Variants in TTLL1 observed in about 807,000 individuals in gnomAD.
TTLL1 encodes polyglutamylase complex subunit TTLL1.
TTLL1 carries 33 observed loss-of-function variants against 47.8 expected under a neutral mutation model. The observed-to-expected ratio is 0.69, with a 90% CI of 0.52 to 0.92. TTLL1 has a LOEUF of 0.92. TTLL1 is among the 40% of genes least tolerant of loss of function. The pLI, the probability that TTLL1 is intolerant of heterozygous loss-of-function variation, is 0.00. For synonymous variants in TTLL1, 225 were observed against 214.1 expected (o/e 1.05, Z -0.45); for missense variants, 488 against 547.5 (o/e 0.89, Z 1.08).
intron 2 of TTLL1, among the ~76,000 whole-genome samples, chr22:43,078,235 T>C (rs2146989658): frequency 1.3e-5 from 2 of 151,650 alleles, no homozygotes; most frequent in Admixed American, 1.3e-4. Context: ...GTGGCTCATG[T>C]CTACAATCCC....
rs574229572 is a variant in TTLL1, at chr22:43,067,165, G to A, written c.503+1245C>T. Among the ~76,000 whole-genome samples the A allele has an allele frequency of 1.8e-3, 272 of 152,314 alleles. 1 individual carries two copies. Among genetic ancestry groups the A allele is most frequent in the Non-Finnish European group, 3.3e-3 (224 of 68,018 alleles). ...AAAAACAAAGACAGAGAAGCCAGCAGACCCAGGCCCCTGGGCTTGCCACGA... is the reference window on the plus strand; with the variant it reads ...AAAAACAAAGACAGAGAAGCCAGCAAACCCAGGCCCCTGGGCTTGCCACGA... On this transcript the variant is annotated intron_variant, in intron 5 of 10. Transcript: ENST00000266254.
At chr22:43,082,753 C>T (rs900696378) in intron 1 of TTLL1, among the ~76,000 whole-genome samples, 1 of 151,618 alleles carries the variant, frequency 6.6e-6, no homozygotes, top group African/African-American at 2.4e-5. Flanking sequence ...GTGGCTCATG[C>T]CTGTAATCCC....
chr22:43,058,406 C>T (rs964537436), intron 8 of TTLL1, among the ~76,000 whole-genome samples: 4 of 152,308 alleles, frequency 2.6e-5, no homozygotes, highest in African/African-American at 7.2e-5. Context: ...AAAAGAGGCA[C>T]GCCATTTCCA....
At chr22:43,048,514 C>G (rs1481216896) in intron 9 of TTLL1, among the ~76,000 whole-genome samples, 2 of 151,100 alleles carry the variant, frequency 1.3e-5, no homozygotes, top group African/African-American at 4.9e-5. Context: ...TGGCACACAC[C>G]TCTACTCCCA....
chr22:43,051,955 G>C, intron 8 of TTLL1, 68 bp from the exon 9 acceptor site: 1 of 1,474,638 alleles, frequency 6.8e-7, no homozygotes, highest in Non-Finnish European at 9.5e-7. Context: ...CAACGCCACA[G>C]AGACAAGCAG....
intron 2 of TTLL1, among the ~76,000 whole-genome samples, chr22:43,077,873 G>C (rs190204888): frequency 6.6e-6 from 1 of 152,134 alleles, no homozygotes; most frequent in African/African-American, 2.4e-5. Context: ...TTGAGAGGCC[G>C]AGGCAGGCGG....
rs1265404722 is a variant in TTLL1 at position 43,046,722 on chromosome 22, T to C, written c.979-149A>G. 3.4e-6 allele frequency: 3 copies of C among 892,420 alleles called. No individual in the cohort carries two copies. The African/African-American group carries it at 5.1e-5, about 15-fold the overall frequency. The allele number at this position is 892,420 out of a possible 1,614,324, so 55.3% of individuals were successfully genotyped here. A position where few individuals can be genotyped will look rare whatever the true frequency, so the allele number is the denominator to read the frequency against. On this transcript the variant is annotated intron_variant, in intron 9 of 10. Coordinates refer to ENST00000266254, the MANE Select transcript of TTLL1 (RefSeq NM_012263.5). ...TTCGCTCTTGTTGCCCAGGCTGGAGTGCAGTGGCGCAATCTCGGTTCACTG... is the reference window on the plus strand; with the variant it reads ...TTCGCTCTTGTTGCCCAGGCTGGAGCGCAGTGGCGCAATCTCGGTTCACTG...
rs1252256506 is a variant in TTLL1, at chr22:43,066,685, A to AG, written c.503+1724_503+1725insC. Among the ~76,000 whole-genome samples the AG allele has an allele frequency of 4.1e-5, 6 of 148,038 alleles. No homozygotes were observed. The East Asian group carries it at 1.2e-3, about 29-fold the overall frequency. On this transcript the variant is annotated intron_variant, in intron 5 of 10. Coordinates refer to ENST00000266254, the MANE Select transcript of TTLL1 (RefSeq NM_012263.5). ...TGCAGTGAGCCATGATCCCGTCTTA[A>AG]AAAAAAAAAAATTTTTTTTTAGGCC...
intron 3 of TTLL1, chr22:43,070,266 T>A (rs1928029702): frequency 8.2e-7 from 1 of 1,219,508 alleles, no homozygotes; most frequent in Non-Finnish European, 1.1e-6. Flanking sequence ...ATCACAGGGG[T>A]TATTTAAGGG....
intron 9 of TTLL1, among the ~76,000 whole-genome samples, chr22:43,048,468 C>G (rs1315995000): frequency 1.2e-5 from 1 of 82,438 alleles, no homozygotes; most frequent in Non-Finnish European, 2.3e-5. Flanking sequence ...GACCCCATCT[C>G]TACCAAAAAA....
intron 8 of TTLL1, among the ~76,000 whole-genome samples, chr22:43,055,399 A>T (rs1318416242): frequency 6.6e-6 from 1 of 151,764 alleles, no homozygotes; most frequent in African/African-American, 2.4e-5. Context: ...TGGTGTGATC[A>T]CAGCTCCCTG....
In TTLL1 at chr22:43,052,449, A is replaced by G. The variant is rs550152415; in HGVS notation, c.892-562T>C. 2.5e-5 allele frequency: 4 copies of G among 158,622 alleles called. No individual in the cohort carries two copies. The South Asian group carries it at 7.3e-4, about 29-fold the overall frequency. The allele number at this position is 158,622 out of a possible 1,614,324, so 9.8% of individuals were successfully genotyped here. On this transcript the variant is annotated intron_variant, in intron 8 of 10. Coordinates refer to ENST00000266254, the MANE Select transcript of TTLL1 (RefSeq NM_012263.5). ...ACTGTTCTCCAGATACATAAATAAC[A>G]CCACCTGAGGCTGGGTGCAGTGGCT...
chr22:43,075,274 T>A (rs1928409024), intron 3 of TTLL1, among the ~76,000 whole-genome samples, 200 bp downstream of exon 3: 1 of 152,168 alleles, frequency 6.6e-6, no homozygotes, highest in Non-Finnish European at 1.5e-5. Context: ...CCGGACTTCA[T>A]ACCCCAGGGT....
intron 8 of TTLL1, among the ~76,000 whole-genome samples, chr22:43,053,967 C>T (rs937329829): frequency 3.9e-5 from 6 of 152,184 alleles, no homozygotes; most frequent in Admixed American, 1.3e-4. Context: ...CACACAGTCA[C>T]GTGTCAACCG....
chr22:43,057,701 G>C (rs1203349963), intron 8 of TTLL1, among the ~76,000 whole-genome samples: 1 of 122,942 alleles, frequency 8.1e-6, no homozygotes, highest in East Asian at 2.8e-4. Context: ...TGCCCTCAGA[G>C]AAAAAAACAA....
At chr22:43,075,337 A>G in intron 3 of TTLL1, 137 bp downstream of exon 3, 1 of 747,906 alleles carries the variant, frequency 1.3e-6, no homozygotes, top group Non-Finnish European at 2.3e-6. Context: ...AAAAAACCTT[A>G]AGGAAAAATG....
intron 1 of TTLL1, among the ~76,000 whole-genome samples, chr22:43,084,962 CTTTTTTT>C (rs148980685): frequency 7.1e-5 from 8 of 112,734 alleles, no homozygotes; most frequent in Admixed American, 2.9e-4. Context: ...AAGCTGCCAC[CTTTTTTT>C]TTTTTTTTTT....
intron 5 of TTLL1, 96 bp downstream of exon 5, chr22:43,068,314 C>CAA: frequency 4.5e-6 from 5 of 1,118,240 alleles, no homozygotes; most frequent in South Asian, 5.1e-5. Flanking sequence ...GAGACTCTGT[C>CAA]AAAAAAAAAC....
intron 1 of TTLL1, among the ~76,000 whole-genome samples, chr22:43,088,634 T>TAA (rs1929410211): frequency 2.0e-5 from 3 of 151,828 alleles, no homozygotes; most frequent in Non-Finnish European, 4.4e-5. Flanking sequence ...TGAGCCACCG[T>TAA]GCCCGGCCGG....
Sources: gnomAD v4.1 joint callset for allele counts (sites outside exome capture counted in the v4.1 genomes callset) on GRCh38, gnomAD v4.1.1 for gene constraint, MANE v1.5 for transcripts, NCBI Gene and HGNC (gene_info 2026-07-23, HGNC 2026-07-21) for gene names.